Variants in ARMH3 observed in about 807,000 individuals in gnomAD.
The protein encoded by ARMH3 is armadillo like helical domain containing 3, also known as armadillo-like helical domain-containing protein 3.
In ARMH3, 60 loss-of-function variants were observed where a neutral mutation model predicts 99.1. The ratio of observed to expected loss-of-function variants is 0.61; its 90% CI spans 0.49 to 0.75. The LOEUF (loss-of-function observed/expected upper bound fraction) is 0.75. ARMH3 is among the 30% of genes least tolerant of loss of function. The pLI, the probability that ARMH3 is intolerant of heterozygous loss-of-function variation, is 0.00. For missense variants in ARMH3, 679 were observed against 843.1 expected (o/e 0.81, Z 2.41); for synonymous variants, 285 against 292.8 (o/e 0.97, Z 0.27).
At chr10:102,030,796 G>C (rs1372970242) in intron 4 of ARMH3, among the ~76,000 whole-genome samples, 2 of 151,694 alleles carry the variant, frequency 1.3e-5, no homozygotes, top group Non-Finnish European at 2.9e-5. Context: ...TTTTGTTTTT[G>C]TTTGAGACGG....
At chr10:101,985,235 T>C (rs145562410) in intron 19 of ARMH3, among the ~76,000 whole-genome samples, 6,492 of 148,802 alleles carry the variant, frequency 0.044, 195 homozygotes, top group Non-Finnish European at 0.064. Flanking sequence ...CGTATATACA[T>C]GTATATATAC....
At chr10:101,976,700 T>C (rs971837167) in intron 19 of ARMH3, among the ~76,000 whole-genome samples, 1 of 152,140 alleles carries the variant, frequency 6.6e-6, no homozygotes, top group Non-Finnish European at 1.5e-5. Flanking sequence ...ATTAAATATA[T>C]AATTTAAGAT....
At chr10:101,982,715 C>T (rs1020690339) in intron 19 of ARMH3, among the ~76,000 whole-genome samples, 7 of 152,144 alleles carry the variant, frequency 4.6e-5, no homozygotes, top group South Asian at 2.1e-4. Context: ...TTGTGAACTG[C>T]GCATGCAAGG....
intron 5 of ARMH3, chr10:102,029,374 A>C: frequency 7.9e-7 from 1 of 1,258,884 alleles, no homozygotes; most frequent in Non-Finnish European, 1.1e-6. Context: ...TTAAGAATGT[A>C]TGATCATATG....
intron 24 of ARMH3, among the ~76,000 whole-genome samples, chr10:101,864,076 AAAACAC>A (rs1228948205): frequency 7.6e-4 from 98 of 128,208 alleles, no homozygotes; most frequent in African/African-American, 2.5e-3. Flanking sequence ...AAAAAAAAAA[AAAACAC>A]ACACACACAC....
At chr10:102,024,405 T>C (rs528571047) in intron 6 of ARMH3, among the ~76,000 whole-genome samples, 1 of 150,872 alleles carries the variant, frequency 6.6e-6, no homozygotes, top group Non-Finnish European at 1.5e-5. Context: ...GCCAGGATCA[T>C]GCCATTGCAC....
At chr10:101,867,782 T>A (rs1246964603) in intron 24 of ARMH3, among the ~76,000 whole-genome samples, 1 of 151,434 alleles carries the variant, frequency 6.6e-6, no homozygotes. Context: ...CAGTGAGCAG[T>A]GATCACGTGA....
intron 8 of ARMH3, among the ~76,000 whole-genome samples, chr10:102,015,849 T>C (rs2066737532): frequency 6.6e-6 from 1 of 152,244 alleles, no homozygotes; most frequent in Non-Finnish European, 1.5e-5. Flanking sequence ...TAAAATGCTT[T>C]AGGGCTGGGC....
At chr10:101,969,605 C>T (rs1845680343) in intron 20 of ARMH3, among the ~76,000 whole-genome samples, 1 of 152,206 alleles carries the variant, frequency 6.6e-6, no homozygotes, top group Non-Finnish European at 1.5e-5. Flanking sequence ...TGTGATACTC[C>T]CTGGGTTTTC....
intron 1 of ARMH3, among the ~76,000 whole-genome samples, chr10:102,054,052 A>G (rs2067776357): frequency 6.6e-6 from 1 of 152,222 alleles, no homozygotes; most frequent in Non-Finnish European, 1.5e-5. Context: ...TCCAAATTTC[A>G]TAATGACTGC....
At chr10:101,969,123 T>C (rs1439404798) in intron 20 of ARMH3, among the ~76,000 whole-genome samples, 2 of 152,178 alleles carry the variant, frequency 1.3e-5, no homozygotes, top group Admixed American at 6.5e-5. Context: ...CCTTCCCATC[T>C]ACTCTAGTTT....
chr10:101,889,526 T>C (rs771226416), intron 23 of ARMH3, 36 bp from the exon 24 acceptor site: 1 of 1,544,728 alleles, frequency 6.5e-7, no homozygotes, highest in Non-Finnish European at 9.0e-7. Flanking sequence ...TGGTGCCAGA[T>C]AGAAGAGGTG....
At chr10:102,040,211 G>A (rs1046099340) in intron 1 of ARMH3, 86 bp from the exon 2 acceptor site, 18 of 1,163,356 alleles carry the variant, frequency 1.5e-5, no homozygotes, top group Non-Finnish European at 2.3e-5. Context: ...ATTTGTCCAA[G>A]CCCATAGAAT....
At chr10:101,881,995 A>AG (rs2067431934) in intron 24 of ARMH3, among the ~76,000 whole-genome samples, 1 of 152,170 alleles carries the variant, frequency 6.6e-6, no homozygotes, top group African/African-American at 2.4e-5. Context: ...TCCACTGGTA[A>AG]GCTAACAATA....
intron 19 of ARMH3, among the ~76,000 whole-genome samples, chr10:101,981,596 A>G (rs1310478178): frequency 1.3e-5 from 2 of 152,200 alleles, no homozygotes; most frequent in Non-Finnish European, 2.9e-5. Context: ...CTCCATTGCT[A>G]CCTTATTAGC....
intron 1 of ARMH3, 66 bp from the exon 2 acceptor site, chr10:102,040,191 T>A: frequency 7.7e-7 from 1 of 1,302,198 alleles, no homozygotes; most frequent in Non-Finnish European, 1.1e-6. Context: ...ATGGCAGATA[T>A]ATGTCATACA....
intron 17 of ARMH3, among the ~76,000 whole-genome samples, 188 bp downstream of exon 17, chr10:101,993,350 T>C (rs1337752359): frequency 6.6e-6 from 1 of 150,952 alleles, no homozygotes; most frequent in Non-Finnish European, 1.5e-5. Flanking sequence ...AACTCTTGAT[T>C]AAGAAACAGC....
At chr10:102,003,540 C>A (rs1373508186) in intron 14 of ARMH3, among the ~76,000 whole-genome samples, 2 of 152,188 alleles carry the variant, frequency 1.3e-5, no homozygotes, top group Non-Finnish European at 2.9e-5. Flanking sequence ...AGTGCTTTTA[C>A]ACTGCCTAAG....
At chr10:102,025,292 C>T (rs762946006) in intron 5 of ARMH3, 44 bp from the exon 6 acceptor site, 14 of 1,509,486 alleles carry the variant, frequency 9.3e-6, no homozygotes, top group Non-Finnish European at 1.3e-5. Context: ...CCAGATAACA[C>T]CCCACCTTTG....
Sources: gnomAD v4.1 joint callset for allele counts (sites outside exome capture counted in the v4.1 genomes callset) on GRCh38, gnomAD v4.1.1 for gene constraint, MANE v1.5 for transcripts, NCBI Gene and HGNC (gene_info 2026-07-23, HGNC 2026-07-21) for gene names.